The following SAMMSON variants were observed in gnomAD, a reference collection of about 807,000 sequenced individuals.
SAMMSON encodes the protein long intergenic non-protein coding RNA 1212.
At chr3:70,357,991 A>G (rs1346905806) in intron 8 of SAMMSON, among the ~76,000 whole-genome samples, 2 of 152,138 alleles carry the variant, frequency 1.3e-5, no homozygotes, top group Admixed American at 6.6e-5. Context: ...TCTTAAGATT[A>G]AGTACCAGAA....
intron 4 of SAMMSON, among the ~76,000 whole-genome samples, chr3:70,184,826 C>A (rs1012417289): frequency 1.3e-5 from 2 of 152,150 alleles, no homozygotes; most frequent in Admixed American, 1.3e-4. Context: ...TCTCAGCACA[C>A]CACATTTTAC....
chr3:70,307,546 A>G (rs1702413772), intron 7 of SAMMSON, among the ~76,000 whole-genome samples: 1 of 151,872 alleles, frequency 6.6e-6, no homozygotes, highest in Admixed American at 6.6e-5. Context: ...TCCTCCATAA[A>G]GTTTTCACAT....
At chr3:70,019,622 A>T (rs546934435) in intron 3 of SAMMSON, among the ~76,000 whole-genome samples, 61 of 152,248 alleles carry the variant, frequency 4.0e-4, no homozygotes, top group African/African-American at 1.5e-3. Context: ...TGATCCTGTC[A>T]TTATGATGTT....
intron 4 of SAMMSON, among the ~76,000 whole-genome samples, chr3:70,140,807 A>G (rs996426991): frequency 1.3e-5 from 2 of 152,156 alleles, no homozygotes; most frequent in Non-Finnish European, 1.5e-5. Context: ...CCTTTCTTCC[A>G]TTGCCCAATA....
intron 4 of SAMMSON, among the ~76,000 whole-genome samples, chr3:70,220,341 G>T (rs1576159886): frequency 6.6e-6 from 1 of 152,030 alleles, no homozygotes; most frequent in East Asian, 1.9e-4. Context: ...CGAGGTGAGA[G>T]GATAACTTGG....
intron 7 of SAMMSON, among the ~76,000 whole-genome samples, chr3:70,298,833 C>A (rs1702317115): frequency 6.6e-6 from 1 of 152,128 alleles, no homozygotes; most frequent in African/African-American, 2.4e-5. Flanking sequence ...GAATACCTGG[C>A]TTGGGACCTG....
At chr3:70,283,307 C>T (rs770183820) in intron 6 of SAMMSON, among the ~76,000 whole-genome samples, 8 of 152,004 alleles carry the variant, frequency 5.3e-5, no homozygotes, top group Non-Finnish European at 1.2e-4. Context: ...TTTCAATGCA[C>T]TGTGCCTGGC....
At chr3:70,280,990 G>C (rs564186214) in intron 6 of SAMMSON, among the ~76,000 whole-genome samples, 9 of 152,254 alleles carry the variant, frequency 5.9e-5, no homozygotes, top group Admixed American at 4.6e-4. Flanking sequence ...TACATAGTTT[G>C]TTAAACTTAC....
intron 7 of SAMMSON, among the ~76,000 whole-genome samples, chr3:70,308,538 C>T (rs1702424797): frequency 6.6e-6 from 1 of 152,144 alleles, no homozygotes; most frequent in Admixed American, 6.5e-5. Context: ...GACACCACCA[C>T]TGATGTGAAC....
intron 3 of SAMMSON, among the ~76,000 whole-genome samples, chr3:70,026,058 T>C (rs1397692969): frequency 1.3e-5 from 2 of 152,148 alleles, no homozygotes; most frequent in Non-Finnish European, 2.9e-5. Context: ...GAAATTTTAG[T>C]AATTTATAAA....
At chr3:70,021,367 C>T (rs1008816579) in intron 3 of SAMMSON, among the ~76,000 whole-genome samples, 1 of 152,084 alleles carries the variant, frequency 6.6e-6, no homozygotes, top group Non-Finnish European at 1.5e-5. Context: ...GCCTTGTTAA[C>T]CTTTTGCTGT....
At chr3:70,377,327 A>G (rs188102088) in intron 9 of SAMMSON, among the ~76,000 whole-genome samples, 2 of 152,284 alleles carry the variant, frequency 1.3e-5, no homozygotes, top group Non-Finnish European at 2.9e-5. Context: ...TTGTGTGGAA[A>G]GAAATGTAAC....
At chr3:70,332,039 C>T (rs950016274) in intron 7 of SAMMSON, among the ~76,000 whole-genome samples, 3 of 152,098 alleles carry the variant, frequency 2.0e-5, no homozygotes, top group African/African-American at 7.2e-5. Context: ...AAATGGAAAC[C>T]GCCATTGTTT....
intron 4 of SAMMSON, among the ~76,000 whole-genome samples, chr3:70,080,702 T>C (rs2106640891): frequency 6.6e-6 from 1 of 152,234 alleles, no homozygotes; most frequent in Non-Finnish European, 1.5e-5. Flanking sequence ...GTTTTTTTTT[T>C]TTTAACCAAA....
At chr3:70,328,472 T>A (rs1391166091) in intron 7 of SAMMSON, among the ~76,000 whole-genome samples, 4 of 151,984 alleles carry the variant, frequency 2.6e-5, no homozygotes, top group African/African-American at 9.7e-5. Flanking sequence ...ACATGGAAGA[T>A]CTAGAAAAAC....
chr3:70,298,295 T>A (rs1702310785), intron 7 of SAMMSON, among the ~76,000 whole-genome samples: 1 of 152,142 alleles, frequency 6.6e-6, no homozygotes. Flanking sequence ...ATATGTTTTA[T>A]TTTCAAGTGC....
intron 6 of SAMMSON, among the ~76,000 whole-genome samples, chr3:70,278,986 C>A (rs1702055099): frequency 6.6e-6 from 1 of 151,278 alleles, no homozygotes; most frequent in Non-Finnish European, 1.5e-5. Flanking sequence ...AGTGAAGTGG[C>A]TCTGAGAAAA....
intron 7 of SAMMSON, among the ~76,000 whole-genome samples, chr3:70,336,812 GTT>G (rs1463867940): frequency 3.1e-5 from 3 of 96,546 alleles, no homozygotes; most frequent in Non-Finnish European, 6.3e-5. Context: ...ATAATAGAAA[GTT>G]TGTGTGTGTG....
At chr3:70,417,031 C>T (rs918191) in intron 2 of SAMMSON, among the ~76,000 whole-genome samples, 34,125 of 151,902 alleles carry the variant, frequency 0.22, 3,977 homozygotes, top group East Asian at 0.32. Context: ...CAGCTAAGAC[C>T]GCTTTTCTGT....
Sources: allele counts gnomAD v4.1 joint callset (sites outside exome capture counted in the v4.1 genomes callset), GRCh38; gene constraint gnomAD v4.1.1; transcripts MANE v1.5; gene names NCBI Gene and HGNC (gene_info 2026-07-23, HGNC 2026-07-21).